Variants in TARS3 observed in about 807,000 individuals in gnomAD.
The protein encoded by TARS3 is threonyl-tRNA synthetase 3.
Under a neutral mutation model 103.5 loss-of-function variants are expected in TARS3, and 94 were observed. The ratio of observed to expected loss-of-function variants is 0.91; its 90% CI spans 0.77 to 1.08. TARS3 has a LOEUF of 1.08. Ranked by LOEUF, TARS3 falls within the 50% of genes least tolerant of loss-of-function variation. The probability of loss-of-function intolerance (pLI) is 0.00; values close to 1 mark genes in which losing one functional copy is unlikely to be tolerated. For missense variants in TARS3, 952 were observed against 995.2 expected (o/e 0.96, Z 0.58); for synonymous variants, 416 against 355.4 (o/e 1.17, Z -1.92).
intron 12 of TARS3, among the ~76,000 whole-genome samples, chr15:101,683,088 C>A (rs567763206): frequency 6.6e-6 from 1 of 152,060 alleles, no homozygotes; most frequent in Non-Finnish European, 1.5e-5. Flanking sequence ...TTTATTTTTA[C>A]TCTTTATTTT....
chr15:101,679,002 T>A (rs1898146088), intron 12 of TARS3, among the ~76,000 whole-genome samples: 1 of 152,230 alleles, frequency 6.6e-6, no homozygotes, highest in Non-Finnish European at 1.5e-5. Context: ...TGTTTTTTAA[T>A]GAGAAATTGC....
At chr15:101,698,111 C>G (rs1232147146) in intron 10 of TARS3, among the ~76,000 whole-genome samples, 6 of 152,058 alleles carry the variant, frequency 3.9e-5, no homozygotes, top group Non-Finnish European at 7.4e-5. Flanking sequence ...CTGAGGCAGG[C>G]GGATCACGAA....
chr15:101,654,266 T>C lies in TARS3; in HGVS notation c.*316A>G. 1 of 229,614 alleles carries C rather than the reference T, an allele frequency of 4.4e-6. No individual in the cohort carries two copies. Among genetic ancestry groups the C allele is most frequent in the Non-Finnish European group, 8.3e-6 (1 of 120,588 alleles). 14.2% of individuals were successfully genotyped at this position (229,614 alleles called of 1,614,324 possible). On this transcript the variant is annotated 3_prime_UTR_variant, in exon 19 of 19. Coordinates refer to ENST00000335968, the MANE Select transcript of TARS3 (RefSeq NM_152334.3). ...CAGACTTTTATTTGAAGCCCATCTTTTGAAAATCACTAACATTTCATAATC... is the reference window on the plus strand; with the variant it reads ...CAGACTTTTATTTGAAGCCCATCTTCTGAAAATCACTAACATTTCATAATC...
chr15:101,671,774 C>G (rs369476416), intron 13 of TARS3, 26 bp from the exon 14 acceptor site: 2 of 1,579,786 alleles, frequency 1.3e-6, no homozygotes, highest in African/African-American at 1.4e-5. Context: ...AAAAAAGATA[C>G]AATTATACAC....
chr15:101,671,360 A>AAT, intron 15 of TARS3, 126 bp downstream of exon 15: 1 of 703,372 alleles, frequency 1.4e-6, no homozygotes, highest in South Asian at 2.2e-5. Flanking sequence ...CAGGTAAACA[A>AAT]ATATATATTG....
rs773609788 is a variant in TARS3 at position 101,671,540 on chromosome 15, G to C, written c.1913C>G (p.Ala638Gly). The change falls in exon 15 of 19, where the codon GCT becomes GGT. Residue 638 changes from alanine (A) to glycine (G), a missense_variant. By Grantham distance (60) the Ala-to-Gly change is moderately conservative. Coordinates refer to ENST00000335968, the MANE Select transcript of TARS3 (RefSeq NM_152334.3). ...KDAIGRYHQC[A>G]TIQLDFQLPI... ...CAGTTGGAAGTCCAGCTGAATTGTA[G>C]CACATTGATGGTATCTGCCAATAGC... 3 of 1,611,974 alleles carry C rather than the reference G, an allele frequency of 1.9e-6. No homozygotes were observed. The Admixed American group carries it at 5.0e-5, about 27-fold the overall frequency.
At chr15:101,690,034 T>C (rs1487384507) in intron 10 of TARS3, among the ~76,000 whole-genome samples, 1 of 152,186 alleles carries the variant, frequency 6.6e-6, no homozygotes, top group Non-Finnish European at 1.5e-5. Context: ...CGATTCAGAT[T>C]TAGGTGAAAC....
chr15:101,684,097 T>G lies in TARS3; in HGVS notation c.1628A>C (p.His543Pro). The G allele has an allele frequency of 6.2e-7, 1 of 1,613,230 alleles. No homozygotes were observed. Among genetic ancestry groups the G allele is most frequent in the Non-Finnish European group, 8.5e-7 (1 of 1,179,568 alleles). ...TACCTGCTCCACTGTGCAAAAAATG[T>G]GAGCATCGTCCTGCTGGAAGCGCCT... is the stretch of plus-strand genomic sequence containing the variant. ...RVRRFQQDDA[H>P]IFCTVEQIEE... The change falls in exon 12 of 19, where the codon CAC becomes CCC. Residue 543 changes from histidine (H) to proline (P), a missense_variant. Physicochemically the swap from His to Pro is moderately conservative, Grantham distance 77. Around this residue, in one of 2 missense-constraint regions of TARS3, gnomAD observed 540 missense variants for 631.0 expected, o/e 0.86. Coordinates refer to ENST00000335968, the MANE Select transcript of TARS3 (RefSeq NM_152334.3).
intron 5 of TARS3, among the ~76,000 whole-genome samples, chr15:101,710,345 G>A (rs1372787898): frequency 6.6e-6 from 1 of 152,150 alleles, no homozygotes; most frequent in Non-Finnish European, 1.5e-5. Context: ...TGAGTTCTGT[G>A]AGCCAGTCTA....
chr15:101,714,700 T>C (rs1900049282), intron 4 of TARS3, 140 bp downstream of exon 4: 1 of 586,046 alleles, frequency 1.7e-6, no homozygotes, highest in African/African-American at 1.9e-5. Flanking sequence ...CAAATATTTA[T>C]TAAACATCAA....
chr15:101,704,407 C>G (rs1007490791), intron 7 of TARS3, among the ~76,000 whole-genome samples: 1 of 152,150 alleles, frequency 6.6e-6, no homozygotes, highest in Non-Finnish European at 1.5e-5. Context: ...GTAATCCCAG[C>G]ACTTTGGGAG....
intron 18 of TARS3, chr15:101,656,129 T>A: frequency 9.0e-7 from 1 of 1,106,548 alleles, no homozygotes; most frequent in Non-Finnish European, 1.2e-6. Context: ...GAGCTCCTGA[T>A]TGCTCTTCTA....
In TARS3 at chr15:101,672,771, C is replaced by A. The variant is rs562341000; in HGVS notation, c.1789-1023G>T. Among the ~76,000 whole-genome samples, 9 of 152,268 alleles carry A rather than the reference C, an allele frequency of 5.9e-5. No homozygotes were observed. In the South Asian group the frequency reaches 1.9e-3, roughly 32 times the overall value. On this transcript the variant is annotated intron_variant, in intron 13 of 18. Coordinates refer to ENST00000335968, the MANE Select transcript of TARS3 (RefSeq NM_152334.3). ...TACTTAGGACCAGAGAAAGCCACCC[C>A]ACGGAGACACTTCCGGGGCCTGGAG...
Position 101,656,621 on chromosome 15 carries a change from A to C in TARS3, c.2260+301T>G, listed in dbSNP as rs139255388. ...GGCCTGTGAGGCTGAAATATAAAGT[A>C]TATAATTCTACTGATGGGATCATTT... is the stretch of plus-strand genomic sequence containing the variant. On this transcript the variant is annotated intron_variant, in intron 18 of 18. Coordinates refer to ENST00000335968, the MANE Select transcript of TARS3 (RefSeq NM_152334.3). Among the ~76,000 whole-genome samples, 1,269 of 152,334 alleles carry C rather than the reference A, an allele frequency of 8.3e-3. 17 individuals are homozygous for C. Among genetic ancestry groups the C allele is most frequent in the Non-Finnish European group, 9.9e-3 (672 of 68,030 alleles).
At position 101,657,868 on chromosome 15, in the gene TARS3, T is replaced by A; in HGVS notation, c.2073-11A>T. ...GATAGCCAGAAAGGCCTGAAAAATA[T>A]ATATAAAATATGTATTTTCAAAGTG... On this transcript the variant is annotated splice_polypyrimidine_tract_variant and intron_variant, in intron 16 of 18. Coordinates refer to ENST00000335968, the MANE Select transcript of TARS3 (RefSeq NM_152334.3). 6.6e-7 allele frequency: 1 copy of A among 1,509,828 alleles called. No homozygotes were observed. 93.5% of individuals were successfully genotyped at this position (1,509,828 alleles called of 1,614,324 possible). A position where few individuals can be genotyped will look rare whatever the true frequency, so the allele number is the denominator to read the frequency against.
At chr15:101,723,519 A>G (rs1900597361) in intron 1 of TARS3, among the ~76,000 whole-genome samples, 1 of 152,238 alleles carries the variant, frequency 6.6e-6, no homozygotes, top group South Asian at 2.1e-4. Flanking sequence ...ACTGCAGAAC[A>G]TCTCAGCCTG....
At position 101,661,806 on chromosome 15, in the gene TARS3, C is replaced by T. The variant is rs1897390593; in HGVS notation, c.1978G>A (p.Asp660Asn). ...FNLTYVSKDGDDKKRPVIIHR... is the reference protein window; with the variant it reads ...FNLTYVSKDGNDKKRPVIIHR... ...ATGATCACAGGTCTCTTCTTATCAT[C>T]CCCATCCTTACTAAAAAATGAAAAT... is the stretch of plus-strand genomic sequence containing the variant. Residue 660 changes from aspartate to asparagine, a missense_variant, in exon 16 of 19, where the codon GAT becomes AAT. Physicochemically the swap from Asp to Asn is conservative, Grantham distance 23 (BLOSUM62 1). This residue lies in a region of TARS3 where 540 missense variants were observed against 631.0 expected (regional missense o/e 0.86). Transcript: ENST00000335968. 5 of 1,588,474 alleles carry T rather than the reference C, an allele frequency of 3.1e-6. No homozygotes were observed. In the African/African-American group the frequency reaches 4.1e-5, roughly 13 times the overall value.
intron 10 of TARS3, among the ~76,000 whole-genome samples, chr15:101,686,347 G>T (rs1898475097): frequency 6.6e-6 from 1 of 152,060 alleles, no homozygotes; most frequent in Non-Finnish European, 1.5e-5. Context: ...AATATATATA[G>T]AAACTCACTG....
chr15:101,717,733 A>G (rs1234368972), intron 3 of TARS3, among the ~76,000 whole-genome samples: 2 of 152,252 alleles, frequency 1.3e-5, no homozygotes, highest in African/African-American at 2.4e-5. Flanking sequence ...TGGGTCCCCA[A>G]AAGACCGTAT....
Sources: allele counts gnomAD v4.1 joint callset (sites outside exome capture counted in the v4.1 genomes callset), GRCh38; gene constraint gnomAD v4.1.1; regional missense constraint gnomAD v4.1.1; transcripts MANE v1.5; gene names NCBI Gene and HGNC (gene_info 2026-07-23, HGNC 2026-07-21).